ZNF600: variants seen among roughly 807,000 people sequenced by gnomAD.
The protein encoded by ZNF600 is zinc finger protein 600.
In ZNF600, 4 loss-of-function variants were observed where a neutral mutation model predicts 7.3. The ratio of observed to expected loss-of-function variants is 0.55; its 90% CI spans 0.27 to 1.25. The LOEUF is 1.25. Among genes scored for constraint, ZNF600 ranks in the 50% most tolerant of loss-of-function variants. The pLI is 0.12. For synonymous variants in ZNF600, 290 were observed against 308.9 expected (o/e 0.94, Z 0.64); for missense variants, 911 against 922.1 (o/e 0.99, Z 0.16).
At chr19:52,781,759 T>C (rs1270437058) in intron 1 of ZNF600, among the ~76,000 whole-genome samples, 3 of 132,064 alleles carry the variant, frequency 2.3e-5, no homozygotes, top group African/African-American at 3.4e-5. Flanking sequence ...TGACACTCTA[T>C]CTTAAAAAAA....
the ZNF600 span, among the ~76,000 whole-genome samples, chr19:52,817,081 T>C: frequency 6.6e-6 from 1 of 152,066 alleles, no homozygotes; most frequent in East Asian, 1.9e-4. Context: ...CTTAAAATAA[T>C]GAAGGAATAG....
chr19:52,806,097 T>G, the ZNF600 span: 1 of 152,166 alleles, frequency 6.6e-6, no homozygotes, highest in Non-Finnish European at 1.5e-5. Flanking sequence ...ACACTGTACA[T>G]ATATGTTAAC....
intron 1 of ZNF600, chr19:52,780,831 A>G (rs1350141190): frequency 6.6e-6 from 1 of 152,246 alleles, no homozygotes; most frequent in African/African-American, 2.4e-5. Flanking sequence ...CAACACTTAC[A>G]AATAAAGTAA....
intron 3 of ZNF600, among the ~76,000 whole-genome samples, chr19:52,771,429 T>G (rs1006312922): frequency 5.3e-5 from 8 of 152,000 alleles, no homozygotes; most frequent in African/African-American, 2.4e-5. Flanking sequence ...TTCTCATGCC[T>G]CAGCCTCTTG....
intron 3 of ZNF600, among the ~76,000 whole-genome samples, chr19:52,774,007 T>C (rs1386496676): frequency 6.6e-6 from 1 of 151,896 alleles, no homozygotes; most frequent in East Asian, 2.0e-4. Flanking sequence ...CGTGTGCCAC[T>C]ACACCCAGCC....
At chr19:52,828,859 A>G in the ZNF600 span, among the ~76,000 whole-genome samples, 4 of 151,906 alleles carry the variant, frequency 2.6e-5, no homozygotes, top group East Asian at 7.8e-4. Flanking sequence ...TTTTATTTTT[A>G]TTTCTTTATT....
At chr19:52,804,472 G>C in the ZNF600 span, among the ~76,000 whole-genome samples, 1 of 152,142 alleles carries the variant, frequency 6.6e-6, no homozygotes, top group Non-Finnish European at 1.5e-5. Context: ...CTGGGTTCCA[G>C]TGATTCTCCT....
the ZNF600 span, among the ~76,000 whole-genome samples, chr19:52,832,450 T>G: frequency 2.6e-4 from 40 of 151,600 alleles, no homozygotes; most frequent in Admixed American, 4.7e-4. Context: ...GAAAAATTAG[T>G]CAGGCAAGGT....
At chr19:52,784,043 C>G (rs1272046208) in intron 1 of ZNF600, among the ~76,000 whole-genome samples, 1 of 151,850 alleles carries the variant, frequency 6.6e-6, no homozygotes, top group African/African-American at 2.4e-5. Flanking sequence ...CCAGTGCACT[C>G]CAGCTTGGGC....
the ZNF600 span, among the ~76,000 whole-genome samples, chr19:52,828,934 G>C: frequency 6.6e-6 from 1 of 152,058 alleles, no homozygotes; most frequent in Non-Finnish European, 1.5e-5. Context: ...GATCTCGGCT[G>C]AATGCAAGCT....
At chr19:52,795,924 C>T in the ZNF600 span, among the ~76,000 whole-genome samples, 1 of 151,600 alleles carries the variant, frequency 6.6e-6, no homozygotes, top group African/African-American at 2.4e-5. Flanking sequence ...ACTGTAATCC[C>T]AGCACTTTGG....
At chr19:52,816,288 G>C in the ZNF600 span, among the ~76,000 whole-genome samples, 315 of 147,268 alleles carry the variant, frequency 2.1e-3, 46 homozygotes, top group African/African-American at 7.9e-3. Flanking sequence ...GGGGGCTGAG[G>C]CAGGCAGACC....
chr19:52,808,655 A>C, the ZNF600 span, among the ~76,000 whole-genome samples: 126 of 151,608 alleles, frequency 8.3e-4, no homozygotes, highest in Non-Finnish European at 1.5e-3. Context: ...AAAAAAAAAA[A>C]CAAAAAACAT....
At chr19:52,823,522 A>G in the ZNF600 span, among the ~76,000 whole-genome samples, 1 of 151,988 alleles carries the variant, frequency 6.6e-6, no homozygotes, top group Non-Finnish European at 1.5e-5. Context: ...GGCCAGTAAA[A>G]CTCTTAGAAG....
the ZNF600 span, among the ~76,000 whole-genome samples, chr19:52,819,574 G>A: frequency 6.7e-4 from 37 of 55,258 alleles, 13 homozygotes; most frequent in African/African-American, 2.1e-3. Context: ...TCTCCAAGTT[G>A]CAGGGGAGGC....
the ZNF600 span, chr19:52,800,056 G>T: frequency 6.2e-7 from 1 of 1,614,160 alleles, no homozygotes; most frequent in East Asian, 2.2e-5. Flanking sequence ...ACTCTCTGAT[G>T]TTGTGCCAGG....
the ZNF600 span, chr19:52,800,528 G>T: frequency 6.2e-7 from 1 of 1,613,672 alleles, no homozygotes; most frequent in Non-Finnish European, 8.5e-7. Context: ...CATTACACTT[G>T]TAAGGCTTCT....
At chr19:52,811,797 T>A in the ZNF600 span, among the ~76,000 whole-genome samples, 1 of 141,466 alleles carries the variant, frequency 7.1e-6, no homozygotes, top group African/African-American at 2.7e-5. Flanking sequence ...AGCCGCCCCG[T>A]CCGGGAGGTG....
At chr19:52,771,112 T>C (rs9749558) in intron 3 of ZNF600, among the ~76,000 whole-genome samples, 14,418 of 151,940 alleles carry the variant, frequency 0.095, 2,151 homozygotes, top group African/African-American at 0.32. Flanking sequence ...GGATTACAGG[T>C]GTAAGCCACC....
Sources: allele counts gnomAD v4.1 joint callset (sites outside exome capture counted in the v4.1 genomes callset), GRCh38; gene constraint gnomAD v4.1.1; transcripts MANE v1.5; gene names NCBI Gene and HGNC (gene_info 2026-07-23, HGNC 2026-07-21).